CELF4: variants seen among roughly 807,000 people sequenced by gnomAD.
CELF4 encodes CUGBP Elav-like family member 4, also known as CUG-BP- and ETR-3-like factor 4.
In CELF4, 18 loss-of-function variants were observed where a neutral mutation model predicts 59.9. The observed-to-expected ratio is 0.30, with a 90% CI of 0.21 to 0.45. CELF4 has a LOEUF of 0.45. Among genes scored for constraint, CELF4 ranks in the 20% least tolerant of loss-of-function variants. The pLI, the probability that CELF4 is intolerant of heterozygous loss-of-function variation, is 1.00. For synonymous variants in CELF4, 261 were observed against 267.1 expected (o/e 0.98, Z 0.22); for missense variants, 456 against 689.0 (o/e 0.66, Z 3.79).
At chr18:37,477,301 G>A (rs891005739) in intron 2 of CELF4, among the ~76,000 whole-genome samples, 4 of 152,260 alleles carry the variant, frequency 2.6e-5, no homozygotes, top group African/African-American at 4.8e-5. Context: ...GAGCGGGGCA[G>A]AGAATTTGTT....
At chr18:37,291,275 CT>C (rs1214652032) in intron 3 of CELF4, among the ~76,000 whole-genome samples, 1 of 152,196 alleles carries the variant, frequency 6.6e-6, no homozygotes. Context: ...CATCTTCCCA[CT>C]GCTGGGAGGC....
At chr18:37,275,045 A>G in intron 4 of CELF4, 70 bp downstream of exon 4, 1 of 1,567,538 alleles carries the variant, frequency 6.4e-7, no homozygotes, top group Non-Finnish European at 8.7e-7. Flanking sequence ...GGAGACTCAG[A>G]GGAGCCCTCT....
At chr18:37,479,153 A>G (rs2099859076) in intron 2 of CELF4, among the ~76,000 whole-genome samples, 1 of 151,962 alleles carries the variant, frequency 6.6e-6, no homozygotes, top group African/African-American at 2.4e-5. Flanking sequence ...CCGGAGGTGG[A>G]CTCTGCCCTC....
At chr18:37,290,873 C>T (rs1017237831) in intron 3 of CELF4, among the ~76,000 whole-genome samples, 1 of 152,214 alleles carries the variant, frequency 6.6e-6, no homozygotes, top group African/African-American at 2.4e-5. Context: ...TCAGCCTCCT[C>T]TACAACATGA....
At chr18:37,385,600 C>T (rs1276782697) in intron 2 of CELF4, among the ~76,000 whole-genome samples, 1 of 152,210 alleles carries the variant, frequency 6.6e-6, no homozygotes, top group Non-Finnish European at 1.5e-5. Context: ...CCACAATACC[C>T]TCTTGCCTAC....
At chr18:37,446,028 C>T (rs532531609) in intron 2 of CELF4, among the ~76,000 whole-genome samples, 3 of 152,280 alleles carry the variant, frequency 2.0e-5, no homozygotes, top group Non-Finnish European at 2.9e-5. Flanking sequence ...CTCAGAGTGG[C>T]GAGAGCCCGG....
intron 2 of CELF4, among the ~76,000 whole-genome samples, chr18:37,365,711 C>G (rs1339653435): frequency 1.3e-5 from 2 of 152,080 alleles, no homozygotes; most frequent in Non-Finnish European, 2.9e-5. Flanking sequence ...GTCTCGAACT[C>G]CTGACCTCAG....
chr18:37,284,060 C>A (rs866482250), intron 3 of CELF4, among the ~76,000 whole-genome samples: 2 of 111,182 alleles, frequency 1.8e-5, no homozygotes, highest in Non-Finnish European at 4.1e-5. Context: ...AAGACACATA[C>A]CCCAACACAT....
chr18:37,448,788 A>G (rs1187288567), intron 2 of CELF4, among the ~76,000 whole-genome samples: 5 of 152,188 alleles, frequency 3.3e-5, no homozygotes, highest in Non-Finnish European at 7.3e-5. Flanking sequence ...TTCCTTGGAG[A>G]TGAAAGTTCC....
chr18:37,539,472 A>AC (rs2099976149), intron 1 of CELF4, among the ~76,000 whole-genome samples: 17 of 106,834 alleles, frequency 1.6e-4, no homozygotes, highest in African/African-American at 4.4e-4. Flanking sequence ...CACACACACA[A>AC]ACACACACAC....
At chr18:37,470,663 C>T (rs1239662394) in intron 2 of CELF4, among the ~76,000 whole-genome samples, 1 of 152,074 alleles carries the variant, frequency 6.6e-6, no homozygotes, top group East Asian at 1.9e-4. Flanking sequence ...CAGAGTGGGG[C>T]CCTCCTCATG....
chr18:37,549,283 C>T (rs2099982413), intron 1 of CELF4, among the ~76,000 whole-genome samples: 1 of 152,226 alleles, frequency 6.6e-6, no homozygotes, highest in South Asian at 2.1e-4. Flanking sequence ...AGGCAGCCTC[C>T]TGTTACTGTA....
intron 1 of CELF4, among the ~76,000 whole-genome samples, chr18:37,546,208 G>C (rs528789460): frequency 3.3e-3 from 506 of 152,188 alleles, no homozygotes; most frequent in Non-Finnish European, 3.7e-3. Flanking sequence ...TGGCCCACCC[G>C]AGCCCGTCGC....
At chr18:37,316,743 A>T (rs532809814) in intron 3 of CELF4, among the ~76,000 whole-genome samples, 1 of 151,946 alleles carries the variant, frequency 6.6e-6, no homozygotes, top group East Asian at 1.9e-4. Context: ...CTGGTCTTTC[A>T]TGTCTCATGA....
At chr18:37,347,324 CGA>C (rs1284639736) in intron 2 of CELF4, among the ~76,000 whole-genome samples, 1 of 152,076 alleles carries the variant, frequency 6.6e-6, no homozygotes, top group African/African-American at 2.4e-5. Context: ...AAGATTCATC[CGA>C]GGCCCTTGTG....
At chr18:37,442,396 A>G (rs953299232) in intron 2 of CELF4, among the ~76,000 whole-genome samples, 3 of 152,230 alleles carry the variant, frequency 2.0e-5, no homozygotes, top group African/African-American at 2.4e-5. Flanking sequence ...CTTAAAAACT[A>G]GATCTCAGAA....
chr18:37,418,701 T>C (rs1174316717), intron 2 of CELF4, among the ~76,000 whole-genome samples: 1 of 152,238 alleles, frequency 6.6e-6, no homozygotes, highest in African/African-American at 2.4e-5. Flanking sequence ...GTAGAATTGC[T>C]GAGGCTAATC....
chr18:37,259,730 G>A (rs1056147351), intron 10 of CELF4, among the ~76,000 whole-genome samples: 7 of 152,122 alleles, frequency 4.6e-5, no homozygotes, highest in Admixed American at 3.9e-4. Context: ...TTCCCTTCTC[G>A]CAGGCCAGTC....
In CELF4 at chr18:37,296,291, G is replaced by A. The variant is rs1349694911; in HGVS notation, c.449-21048C>T. Among the ~76,000 whole-genome samples the A allele has an allele frequency of 2.6e-5, 4 of 152,286 alleles. No homozygotes were observed. The East Asian group carries it at 5.8e-4, about 22-fold the overall frequency. On this transcript the variant is annotated intron_variant, in intron 3 of 12. Coordinates refer to ENST00000420428, the MANE Select transcript of CELF4 (RefSeq NM_020180.4). ...CCACCTCAGCTTCCTAAGACTACAGGTGTTACAGAAAGACTATAGCCTCCT... is the reference window on the plus strand; with the variant it reads ...CCACCTCAGCTTCCTAAGACTACAGATGTTACAGAAAGACTATAGCCTCCT...
Sources: gnomAD v4.1 joint callset for allele counts (sites outside exome capture counted in the v4.1 genomes callset) on GRCh38, gnomAD v4.1.1 for gene constraint, MANE v1.5 for transcripts, NCBI Gene and HGNC (gene_info 2026-07-23, HGNC 2026-07-21) for gene names.